KCNMA1: variants seen among roughly 807,000 people sequenced by gnomAD.
KCNMA1 encodes Calcium-activated potassium channel subunit alpha-1.
KCNMA1 carries 29 observed loss-of-function variants against 140.0 expected under a neutral mutation model. That is an observed-to-expected ratio of 0.21 (90% CI 0.15 to 0.28). The LOEUF is 0.28. Among genes scored for constraint, KCNMA1 ranks in the 10% least tolerant of loss-of-function variants. KCNMA1 has a pLI of 1.00. For synonymous variants in KCNMA1, 612 were observed against 611.9 expected (o/e 1.00, Z 0.00); for missense variants, 880 against 1,602.2 (o/e 0.55, Z 7.70).
chr10:77,027,946 A>G lies in KCNMA1; in HGVS notation c.1860-55T>C, dbSNP rs933981742. 1.9e-5 allele frequency: 27 copies of G among 1,407,630 alleles called. No homozygotes were observed. The African/African-American group carries it at 3.0e-4, about 15-fold the overall frequency. The allele number at this position is 1,407,630 out of a possible 1,614,324, so 87.2% of individuals were successfully genotyped here. ...AGTTCTTCTGAATGACCAGAGCCAC[A>G]TAACACACACTATTACGATCTTTCG... On this transcript the variant is annotated intron_variant, in intron 15 of 27. Transcript: ENST00000286628.
At chr10:77,304,090 A>T (rs2077130023) in intron 2 of KCNMA1, among the ~76,000 whole-genome samples, 1 of 152,170 alleles carries the variant, frequency 6.6e-6, no homozygotes, top group South Asian at 2.1e-4. Flanking sequence ...AAGAACCACA[A>T]TGGGTCCCTT....
At chr10:77,219,763 G>A (rs956762183) in intron 3 of KCNMA1, among the ~76,000 whole-genome samples, 6 of 152,134 alleles carry the variant, frequency 3.9e-5, no homozygotes, top group Non-Finnish European at 1.5e-5. Context: ...GGGACTACAG[G>A]CACCCACCAC....
intron 3 of KCNMA1, among the ~76,000 whole-genome samples, chr10:77,186,777 A>ATGTGTG (rs10594438): frequency 2.2e-3 from 320 of 145,200 alleles, no homozygotes; most frequent in Middle Eastern, 3.5e-3. Flanking sequence ...TAAAGAGTAA[A>ATGTGTG]TGTGTGTGTG....
chr10:77,362,118 G>T (rs2093998492), intron 2 of KCNMA1, among the ~76,000 whole-genome samples: 1 of 152,154 alleles, frequency 6.6e-6, no homozygotes, highest in African/African-American at 2.4e-5. Flanking sequence ...CAGATCGGTT[G>T]TCTCACGCGA....
At chr10:76,984,723 TTGTG>T (rs5786254) in intron 19 of KCNMA1, among the ~76,000 whole-genome samples, 102,823 of 151,554 alleles carry the variant, frequency 0.68, 35,748 homozygotes, top group East Asian at 0.88. Context: ...GAATCCAGTA[TTGTG>T]TGTGTAGTTA....
At position 77,469,808 on chromosome 10, in the gene KCNMA1, G is replaced by GA. The variant is rs537000230; in HGVS notation, c.379-65786dup. 1.4e-3 allele frequency among the ~76,000 whole-genome samples: 208 copies of GA among 152,290 alleles called. 1 individual carries two copies. The highest frequency in any genetic ancestry group is 2.4e-3 in the Non-Finnish European group (165 of 68,028). On this transcript the variant is annotated intron_variant, in intron 1 of 27. Transcript: ENST00000286628. ...TAGAGGGAATTTTAATTTGTTAATGGATCTTCCGGCTGATGGCTGGGGGAA... is the reference window on the plus strand; with the variant it reads ...TAGAGGGAATTTTAATTTGTTAATGGAATCTTCCGGCTGATGGCTGGGGGAA...
intron 2 of KCNMA1, among the ~76,000 whole-genome samples, chr10:77,288,004 C>T (rs1181928441): frequency 6.6e-6 from 1 of 152,192 alleles, no homozygotes; most frequent in Non-Finnish European, 1.5e-5. Flanking sequence ...CAATAAACTC[C>T]GTTATCACTC....
At chr10:77,091,865 TTGAC>T (rs1371063270) in intron 9 of KCNMA1, 7 of 152,238 alleles carry the variant, frequency 4.6e-5, no homozygotes, top group Non-Finnish European at 1.0e-4. Context: ...AATTTGGTGC[TTGAC>T]TAAGTATGTG....
intron 23 of KCNMA1, among the ~76,000 whole-genome samples, chr10:76,933,598 A>G (rs1375880658): frequency 6.6e-6 from 1 of 152,016 alleles, no homozygotes; most frequent in African/African-American, 2.4e-5. Context: ...CGGAACCTTT[A>G]TTTATATTAA....
chr10:77,610,606 T>C (rs779788869), intron 1 of KCNMA1, among the ~76,000 whole-genome samples: 8 of 152,184 alleles, frequency 5.3e-5, no homozygotes, highest in African/African-American at 4.8e-5. Context: ...GAAACTCCCA[T>C]TGGCTAAGTG....
Position 77,216,297 on chromosome 10 carries a change from C to T in KCNMA1, c.603-31381G>A, listed in dbSNP as rs150064054. 1.8e-3 allele frequency among the ~76,000 whole-genome samples: 266 copies of T among 151,930 alleles called. 1 individual carries two copies. Among genetic ancestry groups the T allele is most frequent in the African/African-American group, 5.8e-3 (242 of 41,394 alleles). Reference sequence around the variant, plus strand: ...ATAGTTGCACAAATCTGTGACTATACTAGAAACCACTTTAAATGAGTGAAT... The same window carrying T: ...ATAGTTGCACAAATCTGTGACTATATTAGAAACCACTTTAAATGAGTGAAT... On this transcript the variant is annotated intron_variant, in intron 3 of 27. Transcript: ENST00000286628.
At chr10:77,388,604 T>C (rs986989312) in intron 2 of KCNMA1, among the ~76,000 whole-genome samples, 2 of 152,242 alleles carry the variant, frequency 1.3e-5, no homozygotes, top group Non-Finnish European at 2.9e-5. Flanking sequence ...GGAAAGTGGA[T>C]TGTTTTTTAT....
chr10:77,541,782 C>T (rs979925498), intron 1 of KCNMA1, among the ~76,000 whole-genome samples: 1 of 152,166 alleles, frequency 6.6e-6, no homozygotes, highest in Non-Finnish European at 1.5e-5. Context: ...AGTGATTTGG[C>T]CCTACCCTAG....
intron 5 of KCNMA1, among the ~76,000 whole-genome samples, chr10:77,152,089 C>T (rs1384903715): frequency 6.6e-6 from 1 of 152,104 alleles, no homozygotes; most frequent in East Asian, 1.9e-4. Flanking sequence ...TTATTTTTGC[C>T]TATGGTTTAG....
intron 1 of KCNMA1, among the ~76,000 whole-genome samples, chr10:77,435,805 A>G (rs2154500786): frequency 6.6e-6 from 1 of 152,304 alleles, no homozygotes; most frequent in East Asian, 1.9e-4. Context: ...ATTATATCCT[A>G]TGGTCTTCGG....
chr10:77,053,329 T>C (rs915512185), intron 14 of KCNMA1, among the ~76,000 whole-genome samples: 4 of 152,158 alleles, frequency 2.6e-5, no homozygotes, highest in Admixed American at 6.5e-5. Flanking sequence ...CATTAACATA[T>C]GGGAAAGAAT....
chr10:77,215,310 C>T (rs1261756327), intron 3 of KCNMA1, among the ~76,000 whole-genome samples: 1 of 147,744 alleles, frequency 6.8e-6, no homozygotes, highest in South Asian at 2.1e-4. Context: ...CAGGCCAGTG[C>T]CCTCTTCTGT....
Position 76,891,549 on chromosome 10 carries a change from G to A in KCNMA1, c.3318C>T (p.Leu1106=), listed in dbSNP as rs779632278. 3.3e-5 allele frequency: 54 copies of A among 1,613,362 alleles called. No individual in the cohort carries two copies. In the South Asian group the frequency reaches 3.7e-4, roughly 11 times the overall value. ...DRCRVAQLAL[L]DGPFADLGDG... The stretch of plus-strand genomic sequence containing the variant: ...CCCCTAAGTCCGCAAATGGCCCATC[G>A]AGCAGAGCTAACTGGGCCACGCGGC... The change falls in exon 26 of 28, where the codon CTC becomes CTT. Residue 1106 remains leucine, a synonymous_variant. Transcript: ENST00000286628.
chr10:77,030,942 G>A (rs2093891188), intron 15 of KCNMA1, among the ~76,000 whole-genome samples: 1 of 152,202 alleles, frequency 6.6e-6, no homozygotes, highest in South Asian at 2.1e-4. Flanking sequence ...AGAATGATGT[G>A]AACAGAGAGA....
Sources: gnomAD v4.1 joint callset for allele counts (sites outside exome capture counted in the v4.1 genomes callset) on GRCh38, gnomAD v4.1.1 for gene constraint, MANE v1.5 for transcripts, NCBI Gene and HGNC (gene_info 2026-07-23, HGNC 2026-07-21) for gene names.